ENOX2: variants seen among roughly 807,000 people sequenced by gnomAD.
ENOX2 encodes the protein APK1 antigen.
Under a neutral mutation model 45.0 loss-of-function variants are expected in ENOX2, and 36 were observed. The ratio of observed to expected loss-of-function variants is 0.80; its 90% CI spans 0.61 to 1.06. The LOEUF is 1.06. Ranked by LOEUF, ENOX2 falls within the 50% of genes least tolerant of loss-of-function variation. The probability of loss-of-function intolerance (pLI) is 0.00; values close to 1 mark genes in which losing one functional copy is unlikely to be tolerated. For synonymous variants in ENOX2, 174 were observed against 152.3 expected (o/e 1.14, Z -1.05); for missense variants, 423 against 462.5 (o/e 0.91, Z 0.78).
intron 10 of ENOX2, chrX:130,645,728 G>A: frequency 1.3e-6 from 1 of 762,823 alleles, no homozygotes; most frequent in East Asian, 3.5e-5. Flanking sequence ...CTGGGATGGT[G>A]AACCTAGCAG....
chrX:130,819,461 C>G (rs2077554651), intron 2 of ENOX2, among the ~76,000 whole-genome samples: 1 of 112,165 alleles, frequency 8.9e-6, no homozygotes, highest in East Asian at 2.8e-4. Flanking sequence ...ATAGCAAAGA[C>G]TTGGAACCAA....
At chrX:130,804,164 A>G (rs1039600614) in intron 2 of ENOX2, among the ~76,000 whole-genome samples, 1 of 112,089 alleles carries the variant, frequency 8.9e-6, no homozygotes, top group East Asian at 2.8e-4. Context: ...AGAATAAAGA[A>G]TACCAAGGGT....
chrX:130,749,176 A>T (rs1038491143), intron 3 of ENOX2, among the ~76,000 whole-genome samples: 1 of 112,063 alleles, frequency 8.9e-6, no homozygotes, highest in African/African-American at 3.2e-5. Context: ...CCTTGAAGAC[A>T]TTTAAAGTGA....
intron 2 of ENOX2, among the ~76,000 whole-genome samples, chrX:130,827,904 C>T (rs2077748609): frequency 9.0e-6 from 1 of 111,391 alleles, no homozygotes. Context: ...GTCATAATTC[C>T]TCGGATTTAT....
chrX:130,807,875 C>T (rs1335774439), intron 2 of ENOX2, among the ~76,000 whole-genome samples: 4 of 111,948 alleles, frequency 3.6e-5, no homozygotes, highest in East Asian at 5.6e-4. Context: ...ATTAACTCCT[C>T]GAACATTGAT....
At chrX:130,646,165 G>A (rs2036229336) in intron 10 of ENOX2, 2 of 502,792 alleles carry the variant, frequency 4.0e-6, no homozygotes, top group South Asian at 5.2e-5. Flanking sequence ...CAATCAAGCA[G>A]CTGTGGCATT....
At chrX:130,692,141 T>G (rs1249755881) in intron 4 of ENOX2, among the ~76,000 whole-genome samples, 1 of 113,258 alleles carries the variant, frequency 8.8e-6, no homozygotes. Context: ...TTATTTCTTT[T>G]GTTTATCTTT....
chrX:130,829,666 G>A (rs184054483), intron 2 of ENOX2, among the ~76,000 whole-genome samples: 1 of 111,369 alleles, frequency 9.0e-6, no homozygotes, highest in East Asian at 2.8e-4. Flanking sequence ...TGTTCTAGGA[G>A]CTTTACACAC....
At chrX:130,714,039 C>G (rs763205191) in intron 3 of ENOX2, among the ~76,000 whole-genome samples, 1 of 111,160 alleles carries the variant, frequency 9.0e-6, no homozygotes, top group Non-Finnish European at 1.9e-5. Flanking sequence ...TCTGTGCTTT[C>G]CCAAGGTAAG....
chrX:130,849,090 A>T (rs929339802), intron 2 of ENOX2, among the ~76,000 whole-genome samples: 2 of 112,695 alleles, frequency 1.8e-5, no homozygotes, highest in Non-Finnish European at 3.7e-5. Flanking sequence ...TTATACTTTT[A>T]AAGCCATCAG....
At chrX:130,726,043 C>A (rs1458407066) in intron 3 of ENOX2, among the ~76,000 whole-genome samples, 1 of 111,931 alleles carries the variant, frequency 8.9e-6, no homozygotes, top group Non-Finnish European at 1.9e-5. Context: ...AAGAAAAGAC[C>A]AGGAACATCG....
At chrX:130,673,956 G>A (rs2037060484) in intron 6 of ENOX2, among the ~76,000 whole-genome samples, 1 of 112,123 alleles carries the variant, frequency 8.9e-6, no homozygotes, top group South Asian at 3.7e-4. Context: ...TGTCTCACTG[G>A]ATTATATGAA....
At chrX:130,877,036 A>G (rs2148564806) in intron 2 of ENOX2, among the ~76,000 whole-genome samples, 1 of 111,907 alleles carries the variant, frequency 8.9e-6, no homozygotes, top group East Asian at 2.8e-4. Flanking sequence ...TCTTACAACC[A>G]TAAAATTCTT....
intron 2 of ENOX2, among the ~76,000 whole-genome samples, chrX:130,874,307 A>T (rs1015121982): frequency 1.2e-4 from 14 of 112,210 alleles, no homozygotes; most frequent in African/African-American, 4.2e-4. Context: ...TAGGGGATAG[A>T]GTGTGAGGGA....
At chrX:130,625,524 A>C in intron 14 of ENOX2, 79 bp from the exon 15 acceptor site, 2 of 1,030,082 alleles carry the variant, frequency 1.9e-6, no homozygotes, top group Non-Finnish European at 1.3e-6. Context: ...CCTACTTTAG[A>C]ATGCTGATGT....
At chrX:130,835,923 G>A (rs2077920934) in intron 2 of ENOX2, among the ~76,000 whole-genome samples, 1 of 112,809 alleles carries the variant, frequency 8.9e-6, no homozygotes, top group Non-Finnish European at 1.9e-5. Context: ...AGATCTGCTA[G>A]AAAGAGGGAG....
intron 3 of ENOX2, among the ~76,000 whole-genome samples, chrX:130,775,003 G>A (rs2039819418): frequency 8.9e-6 from 1 of 112,316 alleles, no homozygotes; most frequent in Admixed American, 9.4e-5. Flanking sequence ...CTGTGGCGAA[G>A]AAGAAATTTC....
At chrX:130,754,388 A>G (rs1364666198) in intron 3 of ENOX2, among the ~76,000 whole-genome samples, 1 of 111,659 alleles carries the variant, frequency 9.0e-6, no homozygotes, top group African/African-American at 3.3e-5. Context: ...ACACAAGTAT[A>G]CACCAACTTT....
At chrX:130,641,718 C>CAAAAAA (rs753792308) in intron 10 of ENOX2, among the ~76,000 whole-genome samples, 2 of 34,715 alleles carry the variant, frequency 5.8e-5, no homozygotes, top group Admixed American at 3.8e-4. Context: ...ACTCCATCTC[C>CAAAAAA]AAAAAAAAAA....
Sources: allele counts gnomAD v4.1 joint callset (sites outside exome capture counted in the v4.1 genomes callset), GRCh38; gene constraint gnomAD v4.1.1; transcripts MANE v1.5; gene names NCBI Gene and HGNC (gene_info 2026-07-23, HGNC 2026-07-21).